The following APP variants were observed in gnomAD, a reference collection of about 807,000 sequenced individuals.
The protein encoded by APP is amyloid beta precursor protein, also known as amyloid-beta precursor protein.
Under a neutral mutation model 101.4 loss-of-function variants are expected in APP, and 31 were observed. That is an observed-to-expected ratio of 0.31 (90% CI 0.23 to 0.41). APP has a LOEUF of 0.41. APP is among the 10% of genes least tolerant of loss of function. The pLI, the probability that APP is intolerant of heterozygous loss-of-function variation, is 1.00. For missense variants in APP, 839 were observed against 1,003.7 expected (o/e 0.84, Z 2.22); for synonymous variants, 366 against 364.4 (o/e 1.00, Z -0.05).
intron 13 of APP, among the ~76,000 whole-genome samples, chr21:25,917,686 G>A (rs1010739690): frequency 2.6e-5 from 4 of 152,172 alleles, no homozygotes; most frequent in Non-Finnish European, 5.9e-5. Context: ...GGTTGGAGAA[G>A]AACATTTTCT....
intron 8 of APP, 46 bp downstream of exon 8, chr21:25,997,314 G>T (rs763722332): frequency 8.3e-6 from 13 of 1,566,680 alleles, no homozygotes; most frequent in Non-Finnish European, 1.1e-5. Flanking sequence ...GAACCAAGCA[G>T]CATCCTCCTC....
intron 1 of APP, among the ~76,000 whole-genome samples, chr21:26,127,367 C>T (rs972593237): frequency 3.3e-5 from 5 of 152,028 alleles, no homozygotes; most frequent in Admixed American, 1.3e-4. Flanking sequence ...CTTAGACAAA[C>T]GGAGAAAAGG....
chr21:26,155,145 G>C (rs2146355974), intron 1 of APP, among the ~76,000 whole-genome samples: 1 of 152,290 alleles, frequency 6.6e-6, no homozygotes, highest in Middle Eastern at 3.4e-3. Context: ...CAGCTACTCA[G>C]GAGGCTGAGG....
At chr21:25,891,040 A>G (rs938565230) in intron 17 of APP, among the ~76,000 whole-genome samples, 1 of 152,228 alleles carries the variant, frequency 6.6e-6, no homozygotes, top group Non-Finnish European at 1.5e-5. Context: ...CCCCATCCAA[A>G]TGGCATTTCA....
At chr21:26,010,468 G>A (rs1451836528) in intron 6 of APP, among the ~76,000 whole-genome samples, 1 of 151,990 alleles carries the variant, frequency 6.6e-6, no homozygotes, top group East Asian at 1.9e-4. Flanking sequence ...AATGTTCACT[G>A]GTTATCTACA....
At chr21:26,074,687 G>A (rs2061470684) in intron 3 of APP, among the ~76,000 whole-genome samples, 1 of 151,936 alleles carries the variant, frequency 6.6e-6, no homozygotes, top group Non-Finnish European at 1.5e-5. Flanking sequence ...GGAGGCGGAG[G>A]TTGCAGTGAG....
At chr21:26,060,550 T>A (rs1326357175) in intron 3 of APP, among the ~76,000 whole-genome samples, 1 of 152,100 alleles carries the variant, frequency 6.6e-6, no homozygotes, top group African/African-American at 2.4e-5. Context: ...GGGGAAGCGA[T>A]AAAAAATACA....
chr21:26,107,769 T>C (rs2062217475), intron 2 of APP, among the ~76,000 whole-genome samples: 1 of 152,124 alleles, frequency 6.6e-6, no homozygotes. Flanking sequence ...TTAGTGTCAC[T>C]GTCACCATGT....
chr21:25,891,410 GAAAA>G lies in APP; in HGVS notation c.2211+308_2211+311del, dbSNP rs537618361. Reference sequence around the variant, plus strand: ...GTACTGGTTTTTGTTGCTTGTGTTTGAAAAAAAAAAGTCTAAGAGTAATCATGCT... The same window carrying G: ...GTACTGGTTTTTGTTGCTTGTGTTTGAAAAAAGTCTAAGAGTAATCATGCT... On this transcript the variant is annotated intron_variant, in intron 17 of 17. Transcript: ENST00000346798. 1.5e-3 allele frequency among the ~76,000 whole-genome samples: 213 copies of G among 146,594 alleles called. 1 individual carries two copies. Among genetic ancestry groups the G allele is most frequent in the African/African-American group, 4.9e-3 (194 of 39,976 alleles).
At chr21:26,085,190 C>A (rs1427683191) in intron 3 of APP, among the ~76,000 whole-genome samples, 1 of 152,092 alleles carries the variant, frequency 6.6e-6, no homozygotes, top group Non-Finnish European at 1.5e-5. Context: ...TTCAAAGGTC[C>A]CATGGGAAGG....
At chr21:25,889,525 A>C (rs2037552239) in intron 17 of APP, among the ~76,000 whole-genome samples, 1 of 152,212 alleles carries the variant, frequency 6.6e-6, no homozygotes, top group Non-Finnish European at 1.5e-5. Flanking sequence ...CAACAAAGAG[A>C]ATTATATTAA....
chr21:26,169,954 C>T (rs1276452890), intron 1 of APP, among the ~76,000 whole-genome samples: 1 of 152,148 alleles, frequency 6.6e-6, no homozygotes, highest in East Asian at 1.9e-4. Flanking sequence ...CCGGCTCGGG[C>T]TAGGGTCGCA....
chr21:26,163,239 CAAAAAAAAAAAAAA>C (rs58816061), intron 1 of APP, among the ~76,000 whole-genome samples: 10 of 58,832 alleles, frequency 1.7e-4, no homozygotes, highest in African/African-American at 7.0e-5. Context: ...AACTCAGTCT[CAAAAAAAAAAAAAA>C]AAAAAAAAAA....
At chr21:26,125,017 G>A (rs559789607) in intron 1 of APP, among the ~76,000 whole-genome samples, 15 of 152,358 alleles carry the variant, frequency 9.8e-5, no homozygotes, top group African/African-American at 1.7e-4. Context: ...AGGGTACACC[G>A]AAGAGCTCTC....
rs200772442 is a variant in APP at position 25,997,375 on chromosome 21, G to A, written c.1075C>T (p.Arg359Ter). The A allele has an allele frequency of 1.5e-5, 25 of 1,613,874 alleles. No homozygotes were observed. In the Admixed American group the frequency reaches 1.8e-4, roughly 12 times the overall value. The change falls in exon 8 of 18, where the codon CGA (arginine) becomes TGA (stop). Residue 359 changes from arginine (R) to a stop codon, truncating the protein, a stop_gained. Coordinates refer to ENST00000346798, the MANE Select transcript of APP (RefSeq NM_000484.4). LOFTEE classifies it high-confidence loss of function. ...GACAACGTACGTTTAACAGGATCTC[G>A]GGCAAGAGGTTCCTGGGTAGTCTTG... The part of the protein sequence containing the change: ...LLKTTQEPLA[R>*]DPVKLPTTAA...
At chr21:25,948,474 T>C (rs772333719) in intron 13 of APP, among the ~76,000 whole-genome samples, 7 of 152,210 alleles carry the variant, frequency 4.6e-5, no homozygotes, top group Non-Finnish European at 8.8e-5. Flanking sequence ...TTCCCCGCCA[T>C]ATCTTTCAAT....
At chr21:26,139,443 A>G (rs977259018) in intron 1 of APP, among the ~76,000 whole-genome samples, 2 of 152,212 alleles carry the variant, frequency 1.3e-5, no homozygotes, top group African/African-American at 2.4e-5. Context: ...TTTAACTTGC[A>G]CCAGACTCTA....
At chr21:25,912,027 C>T in intron 13 of APP, 65 bp from the exon 14 acceptor site, 1 of 1,277,018 alleles carries the variant, frequency 7.8e-7, no homozygotes, top group East Asian at 2.3e-5. Context: ...GCAGCAGCAG[C>T]CACCATTTAC....
chr21:25,900,637 T>C (rs2038395884), intron 15 of APP, among the ~76,000 whole-genome samples: 1 of 152,092 alleles, frequency 6.6e-6, no homozygotes, highest in Admixed American at 6.6e-5. Context: ...AAGAAAACTT[T>C]CTTGAACAGT....
Sources: allele counts gnomAD v4.1 joint callset (sites outside exome capture counted in the v4.1 genomes callset), GRCh38; gene constraint gnomAD v4.1.1; transcripts MANE v1.5; gene names NCBI Gene and HGNC (gene_info 2026-07-23, HGNC 2026-07-21).